ASXL3: variants seen among roughly 807,000 people sequenced by gnomAD.
ASXL3 encodes the protein putative Polycomb group protein ASXL3.
A neutral mutation model predicts 170.6 loss-of-function variants in ASXL3; 34 were observed. The observed-to-expected ratio is 0.20, with a 90% CI of 0.15 to 0.27. The LOEUF (loss-of-function observed/expected upper bound fraction) is 0.27, where lower values mean the gene tolerates loss of function less well. Ranked by LOEUF, ASXL3 falls within the 10% of genes least tolerant of loss-of-function variation. The pLI is 1.00. For synonymous variants in ASXL3, 1,002 were observed against 989.1 expected (o/e 1.01, Z -0.24); for missense variants, 2,592 against 2,695.3 (o/e 0.96, Z 0.85).
At position 33,747,156 on chromosome 18, in the gene ASXL3, T is replaced by C. The variant is rs1016002841; in HGVS notation, c.*561T>C. The C allele has an allele frequency of 6.6e-6, 1 of 152,338 alleles. No individual in the cohort carries two copies. Among genetic ancestry groups the C allele is most frequent in the Non-Finnish European group, 1.5e-5 (1 of 68,122 alleles). The allele number at this position is 152,338 out of a possible 1,614,324, so 9.4% of individuals were successfully genotyped here. On this transcript the variant is annotated 3_prime_UTR_variant, in exon 12 of 12. Coordinates refer to ENST00000269197, the MANE Select transcript of ASXL3 (RefSeq NM_030632.3). ...TATATTAAAGGAGGTATGCCATTAATGAAATCCACTGTCCTGAGTATTATC... is the reference window on the plus strand; with the variant it reads ...TATATTAAAGGAGGTATGCCATTAACGAAATCCACTGTCCTGAGTATTATC...
At chr18:33,627,590 T>G (rs1025302845) in intron 2 of ASXL3, among the ~76,000 whole-genome samples, 5 of 152,152 alleles carry the variant, frequency 3.3e-5, no homozygotes, top group Non-Finnish European at 7.3e-5. Context: ...TGGGACCCTT[T>G]TAAGCAAAGT....
intron 2 of ASXL3, among the ~76,000 whole-genome samples, chr18:33,615,098 A>T (rs2065402335): frequency 6.6e-6 from 1 of 152,124 alleles, no homozygotes; most frequent in Non-Finnish European, 1.5e-5. Flanking sequence ...TCTACCTATG[A>T]AAGTCCTAGA....
intron 8 of ASXL3, among the ~76,000 whole-genome samples, chr18:33,715,343 A>G (rs1300658283): frequency 6.6e-6 from 1 of 152,242 alleles, no homozygotes; most frequent in African/African-American, 2.4e-5. Context: ...TTTACACTCT[A>G]AAGCCAATCT....
chr18:33,687,185 A>G (rs748857207), intron 8 of ASXL3, among the ~76,000 whole-genome samples: 1 of 152,228 alleles, frequency 6.6e-6, no homozygotes, highest in Admixed American at 6.5e-5. Flanking sequence ...CAAGAAATTT[A>G]GAGCTAGTAT....
At chr18:33,671,252 A>C (rs1293073692) in intron 6 of ASXL3, among the ~76,000 whole-genome samples, 1 of 152,068 alleles carries the variant, frequency 6.6e-6, no homozygotes, top group Non-Finnish European at 1.5e-5. Context: ...TGCAGCCCTG[A>C]CCTTGTCTTC....
intron 4 of ASXL3, among the ~76,000 whole-genome samples, chr18:33,659,192 A>G (rs1342973580): frequency 6.6e-6 from 1 of 152,056 alleles, no homozygotes; most frequent in Admixed American, 6.6e-5. Context: ...CCTCAATTAC[A>G]TGTACACTGG....
chr18:33,703,359 A>G (rs772926531), intron 8 of ASXL3, among the ~76,000 whole-genome samples: 3 of 152,148 alleles, frequency 2.0e-5, no homozygotes, highest in Non-Finnish European at 4.4e-5. Context: ...CTTTAGTAGC[A>G]GAGCATTGGG....
chr18:33,637,437 T>C (rs1432105296), intron 2 of ASXL3, among the ~76,000 whole-genome samples: 5 of 152,114 alleles, frequency 3.3e-5, no homozygotes, highest in Middle Eastern at 3.2e-3. Context: ...CATTTGAGAA[T>C]GTTTTTGAGC....
intron 2 of ASXL3, among the ~76,000 whole-genome samples, chr18:33,623,083 C>G (rs16959937): frequency 0.019 from 2,939 of 152,240 alleles, 97 homozygotes; most frequent in African/African-American, 0.068. Context: ...CTCTAATGGC[C>G]TTCACCAATT....
chr18:33,742,708 A>G (rs752532989), intron 11 of ASXL3, among the ~76,000 whole-genome samples, 180 bp from the exon 12 acceptor site: 13 of 152,148 alleles, frequency 8.5e-5, no homozygotes, highest in Non-Finnish European at 1.9e-4. Flanking sequence ...AATTTTTTCC[A>G]TTCATACTAC....
At chr18:33,649,403 T>C (rs1385006703) in intron 4 of ASXL3, among the ~76,000 whole-genome samples, 2 of 152,016 alleles carry the variant, frequency 1.3e-5, no homozygotes, top group Non-Finnish European at 2.9e-5. Flanking sequence ...CTCAGCAAAA[T>C]AGAAAAGTAG....
At chr18:33,629,293 A>C (rs1302747291) in intron 2 of ASXL3, among the ~76,000 whole-genome samples, 1 of 152,152 alleles carries the variant, frequency 6.6e-6, no homozygotes, top group Admixed American at 6.5e-5. Context: ...ATTTCCTGAA[A>C]GCTTTAAGTG....
intron 1 of ASXL3, among the ~76,000 whole-genome samples, chr18:33,596,229 T>G (rs1177948420): frequency 6.6e-6 from 1 of 152,198 alleles, no homozygotes; most frequent in Non-Finnish European, 1.5e-5. Context: ...GCTTAGTTCC[T>G]TCCTTTCATT....
intron 11 of ASXL3, among the ~76,000 whole-genome samples, chr18:33,741,706 T>TA (rs2067666713): frequency 2.0e-5 from 3 of 152,202 alleles, no homozygotes; most frequent in African/African-American, 7.2e-5. Context: ...TCTAAATTGA[T>TA]ATGTATAATC....
At chr18:33,647,757 A>G (rs2065937181) in intron 4 of ASXL3, among the ~76,000 whole-genome samples, 1 of 152,110 alleles carries the variant, frequency 6.6e-6, no homozygotes, top group African/African-American at 2.4e-5. Flanking sequence ...CAAATCTCTC[A>G]TGAAGCTTAT....
At chr18:33,708,834 T>C (rs2067006686) in intron 8 of ASXL3, among the ~76,000 whole-genome samples, 1 of 152,244 alleles carries the variant, frequency 6.6e-6, no homozygotes, top group Non-Finnish European at 1.5e-5. Context: ...TGTGGTTATA[T>C]ATAATTTTCC....
At position 33,744,345 on chromosome 18, in the gene ASXL3, C is replaced by A. The variant is rs1285313324; in HGVS notation, c.4497C>A (p.Asp1499Glu). The A allele has an allele frequency of 6.2e-7, 1 of 1,614,016 alleles. No individual in the cohort carries two copies. The highest frequency in any genetic ancestry group is 2.2e-5 in the East Asian group (1 of 44,872). The change falls in exon 12 of 12, where the codon GAC becomes GAA. Residue 1499 changes from aspartate (D) to glutamate (E), a missense_variant. Asp to Glu is a conservative substitution (Grantham distance 45). Coordinates refer to ENST00000269197, the MANE Select transcript of ASXL3 (RefSeq NM_030632.3). ...VSVESSEASLDLQGRPVRTEA... is the reference protein window; with the variant it reads ...VSVESSEASLELQGRPVRTEA... ...TTGAAAGCTCAGAAGCCAGCTTGGA[C>A]CTGCAGGGCAGACCAGTGAGGACAG...
At position 33,671,124 on chromosome 18, in the gene ASXL3, G is replaced by A. The variant is rs11081818; in HGVS notation, c.595+334G>A. On this transcript the variant is annotated intron_variant, in intron 6 of 11. Transcript: ENST00000269197. The stretch of plus-strand genomic sequence containing the variant: ...CTTTAAGGGTGGACCACATGCTGAT[G>A]TATAATACCATCAAAAGCAGTTCTC... 0.43 allele frequency among the ~76,000 whole-genome samples: 65,407 copies of A among 151,820 alleles called. 14,932 individuals carry two copies. The highest frequency in any genetic ancestry group is 0.79 in the East Asian group (4,082 of 5,136).
intron 8 of ASXL3, among the ~76,000 whole-genome samples, chr18:33,727,246 AT>A (rs1164076769): frequency 3.9e-5 from 6 of 152,084 alleles, no homozygotes; most frequent in Admixed American, 3.9e-4. Context: ...CTCTCATACC[AT>A]GCAGTTAGAA....
Sources: allele counts gnomAD v4.1 joint callset (sites outside exome capture counted in the v4.1 genomes callset), GRCh38; gene constraint gnomAD v4.1.1; transcripts MANE v1.5; gene names NCBI Gene and HGNC (gene_info 2026-07-23, HGNC 2026-07-21).